Variants in AGAP1 observed in about 807,000 individuals in gnomAD.
The protein encoded by AGAP1 is ArfGAP with GTPase domain, ankyrin repeat and PH domain 1, also known as arf-GAP with GTPase, ANK repeat and PH domain-containing protein 1.
AGAP1 carries 29 observed loss-of-function variants against 105.3 expected under a neutral mutation model. The ratio of observed to expected loss-of-function variants is 0.28; its 90% confidence interval spans 0.21 to 0.38. AGAP1 has a LOEUF of 0.38. Ranked by LOEUF, AGAP1 falls within the 10% of genes least tolerant of loss-of-function variation. The pLI is 1.00. For synonymous variants in AGAP1, 509 were observed against 485.9 expected (o/e 1.05, Z -0.63); for missense variants, 998 against 1,165.1 (o/e 0.86, Z 2.09).
At chr2:235,562,422 C>T (rs149367135) in intron 1 of AGAP1, among the ~76,000 whole-genome samples, 18 of 152,114 alleles carry the variant, frequency 1.2e-4, no homozygotes, top group Non-Finnish European at 1.6e-4. Flanking sequence ...TGGGGCAGAG[C>T]GCCCTGTTCC....
At chr2:235,895,674 C>T (rs1385412455) in intron 10 of AGAP1, among the ~76,000 whole-genome samples, 3 of 151,926 alleles carry the variant, frequency 2.0e-5, no homozygotes, top group Non-Finnish European at 2.9e-5. Flanking sequence ...ACCAATGTAT[C>T]TCTAACATCT....
chr2:236,044,712 C>T lies in AGAP1; in HGVS notation c.1891+3871C>T, dbSNP rs562122220. 1.1e-3 allele frequency among the ~76,000 whole-genome samples: 166 copies of T among 152,226 alleles called. No individual in the cohort carries two copies. The highest frequency in any genetic ancestry group is 3.1e-3 in the African/African-American group (130 of 41,538). On this transcript the variant is annotated intron_variant, in intron 15 of 17. Transcript: ENST00000304032. The surrounding 1 kb of genome is among the most constrained non-coding windows in gnomAD (Gnocchi z 5.7). Reference sequence around the variant, plus strand: ...AATAGAACCTCCGGTCCCGCAACGTCGGGTCTCCTTCCCATTGTCGCCTCT... The same window carrying T: ...AATAGAACCTCCGGTCCCGCAACGTTGGGTCTCCTTCCCATTGTCGCCTCT...
At chr2:235,528,650 C>T (rs1244754573) in intron 1 of AGAP1, among the ~76,000 whole-genome samples, 2 of 152,134 alleles carry the variant, frequency 1.3e-5, no homozygotes, top group African/African-American at 2.4e-5. Context: ...CCAGCCTTCT[C>T]TTGTGTGCAT....
At chr2:235,869,420 T>TAAAA (rs35813316) in intron 9 of AGAP1, among the ~76,000 whole-genome samples, 6,385 of 49,964 alleles carry the variant, frequency 0.13, 931 homozygotes, top group Non-Finnish European at 0.18. Context: ...CCATCTCTAC[T>TAAAA]AAAAAAAAAA....
rs1944788350 is a variant in AGAP1, at chr2:235,577,883, A to G, written c.163+83034A>G. On this transcript the variant is annotated intron_variant, in intron 1 of 17. Coordinates refer to ENST00000304032, the MANE Select transcript of AGAP1 (RefSeq NM_001037131.3). The surrounding 1 kb of genome is among the most constrained non-coding windows in gnomAD (Gnocchi z 4.5). The stretch of plus-strand genomic sequence containing the variant: ...GATAGTTCGCCTTTGTACGGATGAA[A>G]AAAACCAAACACTGAGCCTGGTCTG... Among the ~76,000 whole-genome samples the G allele has an allele frequency of 1.3e-5, 2 of 152,028 alleles. No homozygotes were observed. The highest frequency in any genetic ancestry group is 6.5e-5 in the Admixed American group (1 of 15,270).
intron 9 of AGAP1, among the ~76,000 whole-genome samples, chr2:235,825,457 G>A (rs1405816126): frequency 2.0e-5 from 3 of 152,216 alleles, no homozygotes; most frequent in Admixed American, 6.5e-5. Context: ...AGGCCAGTCC[G>A]TTATTTTTTT....
Position 235,931,312 on chromosome 2 carries a change from C to G in AGAP1, c.1483+389C>G, listed in dbSNP as rs915830468. Among the ~76,000 whole-genome samples, 2 of 152,194 alleles carry G rather than the reference C, an allele frequency of 1.3e-5. No individual in the cohort carries two copies. The highest frequency in any genetic ancestry group is 4.8e-5 in the African/African-American group (2 of 41,460). ...TGGCGTGGCCCACACTCTTCCACCA[C>G]TAGTGCACATTTTATATCATTAGGG... On this transcript the variant is annotated intron_variant, in intron 12 of 17. Coordinates refer to ENST00000304032, the MANE Select transcript of AGAP1 (RefSeq NM_001037131.3). This position sits in a 1 kb window ranked among gnomAD's most constrained non-coding sequence, Gnocchi z 5.6.
intron 1 of AGAP1, among the ~76,000 whole-genome samples, chr2:235,495,120 C>T (rs1402197009): frequency 6.6e-6 from 1 of 152,178 alleles, no homozygotes; most frequent in Non-Finnish European, 1.5e-5. Flanking sequence ...GGCTCGGTGC[C>T]TCCGCGTCCT....
rs1012181202 is a variant in AGAP1 at position 235,610,226 on chromosome 2, G to A, written c.164-98953G>A. On this transcript the variant is annotated intron_variant, in intron 1 of 17. Coordinates refer to ENST00000304032, the MANE Select transcript of AGAP1 (RefSeq NM_001037131.3). The surrounding 1 kb of genome is among the most constrained non-coding windows in gnomAD (Gnocchi z 4.9). ...CTGTGTGCCTGCTTGAGTCTGCACC[G>A]AACATGGCTCTAGCTTCTTCGTTGG... is the stretch of plus-strand genomic sequence containing the variant. Among the ~76,000 whole-genome samples the A allele has an allele frequency of 2.0e-5, 3 of 152,126 alleles. No individual in the cohort carries two copies. Among genetic ancestry groups the A allele is most frequent in the Non-Finnish European group, 4.4e-5 (3 of 68,024 alleles).
intron 8 of AGAP1, 109 bp from the exon 9 acceptor site, chr2:235,807,130 C>T (rs911167456): frequency 2.2e-5 from 23 of 1,053,428 alleles, no homozygotes; most frequent in Middle Eastern, 4.0e-4. Flanking sequence ...ACACATAGAT[C>T]GCGCATGTTT....
intron 12 of AGAP1, among the ~76,000 whole-genome samples, 156 bp from the exon 13 acceptor site, chr2:235,968,306 C>T (rs1432256133): frequency 6.6e-6 from 1 of 152,132 alleles, no homozygotes; most frequent in Non-Finnish European, 1.5e-5. Context: ...ACCAGAGGCT[C>T]TAGGCCTCCA....
intron 16 of AGAP1, among the ~76,000 whole-genome samples, chr2:236,060,271 A>G (rs1300406704): frequency 6.6e-6 from 1 of 152,256 alleles, no homozygotes; most frequent in Non-Finnish European, 1.5e-5. Flanking sequence ...GATAAATTGA[A>G]TATTAGCCAA....
In AGAP1 at chr2:235,900,963, A is replaced by G. The variant is rs2051037216; in HGVS notation, c.1156-7775A>G. ...ATTTTTCCCTTTGAAGCTGCCTCCTACCTTGCTATTGTGACTATGATCCTT... is the reference window on the plus strand; with the variant it reads ...ATTTTTCCCTTTGAAGCTGCCTCCTGCCTTGCTATTGTGACTATGATCCTT... On this transcript the variant is annotated intron_variant, in intron 10 of 17. Coordinates refer to ENST00000304032, the MANE Select transcript of AGAP1 (RefSeq NM_001037131.3). This position sits in a 1 kb window ranked among gnomAD's most constrained non-coding sequence, Gnocchi z 5.5. Among the ~76,000 whole-genome samples the G allele has an allele frequency of 1.3e-5, 2 of 152,096 alleles. No individual in the cohort carries two copies. The highest frequency in any genetic ancestry group is 4.1e-4 in the South Asian group (2 of 4,832).
At chr2:236,071,451 G>A (rs1559246895) in intron 16 of AGAP1, among the ~76,000 whole-genome samples, 1 of 152,162 alleles carries the variant, frequency 6.6e-6, no homozygotes, top group Non-Finnish European at 1.5e-5. Context: ...GGCAGGGCCT[G>A]ACCCCAAGGA....
chr2:235,934,318 A>G lies in AGAP1; in HGVS notation c.1483+3395A>G, dbSNP rs1371888621. ...TGGTCCACGGACCAAGTGGCATTTGACAGCTCCGGGGATTTGGCTGGTGAT... is the reference window on the plus strand; with the variant it reads ...TGGTCCACGGACCAAGTGGCATTTGGCAGCTCCGGGGATTTGGCTGGTGAT... On this transcript the variant is annotated intron_variant, in intron 12 of 17. Coordinates refer to ENST00000304032, the MANE Select transcript of AGAP1 (RefSeq NM_001037131.3). This position sits in a 1 kb window ranked among gnomAD's most constrained non-coding sequence, Gnocchi z 4.9. Among the ~76,000 whole-genome samples, 1 of 152,178 alleles carries G rather than the reference A, an allele frequency of 6.6e-6. No individual in the cohort carries two copies. The highest frequency in any genetic ancestry group is 2.4e-5 in the African/African-American group (1 of 41,432).
chr2:235,832,393 C>T (rs1959528014), intron 9 of AGAP1, among the ~76,000 whole-genome samples: 1 of 152,126 alleles, frequency 6.6e-6, no homozygotes, highest in East Asian at 1.9e-4. Flanking sequence ...TAGCATTTTC[C>T]TTACAGTTTG....
chr2:235,634,453 A>T (rs963787503), intron 1 of AGAP1, among the ~76,000 whole-genome samples: 1 of 152,228 alleles, frequency 6.6e-6, no homozygotes. Flanking sequence ...TGTCACAAGC[A>T]GCTGTGGGAG....
At position 235,824,278 on chromosome 2, in the gene AGAP1, G is replaced by A. The variant is rs1958953533; in HGVS notation, c.1050+16947G>A. Among the ~76,000 whole-genome samples the A allele has an allele frequency of 6.6e-6, 1 of 152,208 alleles. No individual in the cohort carries two copies. ...AGAAATCCTCTAAGTGTATTCGAAA[G>A]CAGTTGTTTGTAATTGGAGTATCTG... is the stretch of plus-strand genomic sequence containing the variant. On this transcript the variant is annotated intron_variant, in intron 9 of 17. Coordinates refer to ENST00000304032, the MANE Select transcript of AGAP1 (RefSeq NM_001037131.3). The surrounding 1 kb of genome is among the most constrained non-coding windows in gnomAD (Gnocchi z 5.2).
chr2:235,734,206 A>C lies in AGAP1; in HGVS notation c.311-6757A>C, dbSNP rs1236154851. Among the ~76,000 whole-genome samples, 1 of 152,206 alleles carries C rather than the reference A, an allele frequency of 6.6e-6. No homozygotes were observed. The highest frequency in any genetic ancestry group is 2.4e-5 in the African/African-American group (1 of 41,440). On this transcript the variant is annotated intron_variant, in intron 3 of 17. Coordinates refer to ENST00000304032, the MANE Select transcript of AGAP1 (RefSeq NM_001037131.3). This position sits in a 1 kb window ranked among gnomAD's most constrained non-coding sequence, Gnocchi z 5.3. ...GATTTTCTCCCGATGTCATCATGGCACTCAGTAACAAGGAATATTGTAGAT... is the reference window on the plus strand; with the variant it reads ...GATTTTCTCCCGATGTCATCATGGCCCTCAGTAACAAGGAATATTGTAGAT...
Sources: gnomAD v4.1 joint callset for allele counts (sites outside exome capture counted in the v4.1 genomes callset) on GRCh38, gnomAD v4.1.1 for gene constraint, Gnocchi (gnomAD v3.1) non-coding constraint, MANE v1.5 for transcripts, NCBI Gene and HGNC (gene_info 2026-07-23, HGNC 2026-07-21) for gene names.